DECR1: variants seen among roughly 807,000 people sequenced by gnomAD.
The protein encoded by DECR1 is 2,4-dienoyl-CoA reductase [(3E)-enoyl-CoA-producing], mitochondrial.
In DECR1, 44 loss-of-function variants were observed where a neutral mutation model predicts 38.8. The ratio of observed to expected loss-of-function variants is 1.13; its 90% CI spans 0.89 to 1.46. The LOEUF is 1.46. DECR1 is among the 40% of genes most tolerant of loss of function. The probability of loss-of-function intolerance (pLI) is 0.00; values close to 1 mark genes in which losing one functional copy is unlikely to be tolerated. For missense variants in DECR1, 428 were observed against 405.5 expected (o/e 1.06, Z -0.48); for synonymous variants, 148 against 135.2 (o/e 1.09, Z -0.66).
At chr8:90,031,207 G>T (rs1326588782) in intron 5 of DECR1, among the ~76,000 whole-genome samples, 1 of 152,054 alleles carries the variant, frequency 6.6e-6, no homozygotes, top group East Asian at 1.9e-4. Flanking sequence ...TGATAATAAA[G>T]CCTTCCTCCT....
chr8:90,022,220 G>T (rs918521877), intron 5 of DECR1, among the ~76,000 whole-genome samples: 2 of 152,140 alleles, frequency 1.3e-5, no homozygotes, highest in Admixed American at 1.3e-4. Context: ...AGCTGGCTAG[G>T]TTCCTCCCTC....
chr8:90,051,492 TTAGAAA>T (rs1021829406), intron 8 of DECR1, among the ~76,000 whole-genome samples, 179 bp from the exon 9 acceptor site: 3 of 152,176 alleles, frequency 2.0e-5, no homozygotes, highest in Admixed American at 6.5e-5. Context: ...TGTGGAGATG[TTAGAAA>T]TAGAATTATA....
intron 1 of DECR1, among the ~76,000 whole-genome samples, chr8:90,007,646 C>G (rs1812779263): frequency 1.3e-5 from 2 of 152,080 alleles, no homozygotes; most frequent in African/African-American, 4.8e-5. Context: ...AACTACAAAG[C>G]AAACTTTATA....
chr8:90,036,724 A>T, intron 5 of DECR1, 117 bp from the exon 6 acceptor site: 1 of 610,738 alleles, frequency 1.6e-6, no homozygotes, highest in Admixed American at 3.0e-5. Flanking sequence ...GTTTTAAAAA[A>T]TACTTTAGTT....
intron 8 of DECR1, among the ~76,000 whole-genome samples, chr8:90,051,265 A>G (rs1284539996): frequency 6.6e-6 from 1 of 152,070 alleles, no homozygotes; most frequent in Non-Finnish European, 1.5e-5. Context: ...CTGAAGGGGA[A>G]GAGTCATAAC....
At chr8:90,015,934 T>G (rs1042902405) in intron 1 of DECR1, among the ~76,000 whole-genome samples, 2 of 152,360 alleles carry the variant, frequency 1.3e-5, no homozygotes, top group East Asian at 3.9e-4. Flanking sequence ...TGTGGTTGTT[T>G]GGAAGATTAA....
chr8:90,020,497 T>C (rs1488025450), intron 4 of DECR1, among the ~76,000 whole-genome samples: 1 of 152,150 alleles, frequency 6.6e-6, no homozygotes, highest in Non-Finnish European at 1.5e-5. Flanking sequence ...CAAGCGATAC[T>C]CCCACCTCAG....
intron 1 of DECR1, among the ~76,000 whole-genome samples, chr8:90,002,205 G>A (rs1024509606): frequency 6.6e-6 from 1 of 152,200 alleles, no homozygotes; most frequent in Admixed American, 6.5e-5. Context: ...GAGGGGATCA[G>A]GCCGAGCGAG....
Position 90,042,203 on chromosome 8 carries a change from C to A in DECR1, c.666-525C>A, listed in dbSNP as rs544730841. 2.0e-5 allele frequency among the ~76,000 whole-genome samples: 3 copies of A among 152,192 alleles called. No individual in the cohort carries two copies. In the East Asian group the frequency reaches 5.8e-4, roughly 29 times the overall value. On this transcript the variant is annotated intron_variant, in intron 6 of 9. Coordinates refer to ENST00000220764, the MANE Select transcript of DECR1 (RefSeq NM_001359.2). ...GGTTTATATTTTCAATCGATGTACT[C>A]TTTTACTCAAATAAAGCACTTGTGA...
At position 90,052,946 on chromosome 8, in the gene DECR1, A is replaced by G. The variant is rs910132885; in HGVS notation, c.*1049A>G. Among the ~76,000 whole-genome samples, 3 of 152,212 alleles carry G rather than the reference A, an allele frequency of 2.0e-5. No homozygotes were observed. Among genetic ancestry groups the G allele is most frequent in the Admixed American group, 6.5e-5 (1 of 15,280 alleles). The stretch of plus-strand genomic sequence containing the variant: ...GAATAAATCTGCCACAAGCCCATGG[A>G]AACCCCAATTAACATTGACAGTTAA... On this transcript the variant is annotated 3_prime_UTR_variant, in exon 10 of 10. Transcript: ENST00000220764.
chr8:90,048,236 G>A (rs960451474), intron 8 of DECR1, among the ~76,000 whole-genome samples: 2 of 152,050 alleles, frequency 1.3e-5, no homozygotes, highest in Non-Finnish European at 2.9e-5. Context: ...AAAAATCAAT[G>A]AATCCAGGAG....
At chr8:90,030,724 A>C (rs1440415909) in intron 5 of DECR1, among the ~76,000 whole-genome samples, 1 of 152,224 alleles carries the variant, frequency 6.6e-6, no homozygotes, top group Non-Finnish European at 1.5e-5. Flanking sequence ...TGTTGCTTAG[A>C]GTATATAAGA....
intron 2 of DECR1, 51 bp downstream of exon 2, chr8:90,017,377 T>A: frequency 6.9e-7 from 1 of 1,457,716 alleles, no homozygotes; most frequent in East Asian, 2.3e-5. Context: ...GAAACTGTTC[T>A]GTGCCATAGT....
At chr8:90,016,662 ACAAAACAAAACCAAAAAC>A (rs1813015074) in intron 1 of DECR1, 1 of 159,542 alleles carries the variant, frequency 6.3e-6, no homozygotes, top group Non-Finnish European at 1.4e-5. Flanking sequence ...ACAAAACAAA[ACAAAACAAAACCAAAAAC>A]CAAAACAAAA....
At chr8:90,024,768 GGTGTTTTAGACA>G (rs1253894480) in intron 5 of DECR1, among the ~76,000 whole-genome samples, 1 of 152,058 alleles carries the variant, frequency 6.6e-6, no homozygotes, top group Non-Finnish European at 1.5e-5. Flanking sequence ...CATTGCTTTT[GGTGTTTTAGACA>G]TGAAGCCCTT....
intron 1 of DECR1, among the ~76,000 whole-genome samples, chr8:90,002,205 G>C (rs1024509606): frequency 6.6e-6 from 1 of 152,200 alleles, no homozygotes; most frequent in Admixed American, 6.5e-5. Flanking sequence ...GAGGGGATCA[G>C]GCCGAGCGAG....
chr8:90,025,735 C>G (rs1473110376), intron 5 of DECR1, among the ~76,000 whole-genome samples: 1 of 152,128 alleles, frequency 6.6e-6, no homozygotes, highest in Non-Finnish European at 1.5e-5. Context: ...CCTGATTGCC[C>G]TGGCCAGAAC....
intron 6 of DECR1, 80 bp downstream of exon 6, chr8:90,037,020 G>GGT (rs1418384359): frequency 2.1e-6 from 2 of 947,502 alleles, no homozygotes; most frequent in Admixed American, 2.0e-5. Flanking sequence ...CCTGCTTTCT[G>GGT]GTGTCCATCC....
intron 1 of DECR1, among the ~76,000 whole-genome samples, chr8:90,004,075 C>T (rs1026135425): frequency 4.6e-5 from 7 of 152,114 alleles, no homozygotes; most frequent in African/African-American, 1.7e-4. Context: ...TACTATCATG[C>T]ACACTGCCAT....
Sources: allele counts gnomAD v4.1 joint callset (sites outside exome capture counted in the v4.1 genomes callset), GRCh38; gene constraint gnomAD v4.1.1; transcripts MANE v1.5; gene names NCBI Gene and HGNC (gene_info 2026-07-23, HGNC 2026-07-21).